Variants in NBEAL1 observed in about 807,000 individuals in gnomAD.
NBEAL1 encodes the protein neurobeachin like 1, also known as neurobeachin-like protein 1.
In NBEAL1, 273 loss-of-function variants were observed where a neutral mutation model predicts 351.3. That is an observed-to-expected ratio of 0.78 (90% confidence interval 0.70 to 0.86). The LOEUF is 0.86. NBEAL1 is among the 40% of genes least tolerant of loss of function. The pLI, the probability that NBEAL1 is intolerant of heterozygous loss-of-function variation, is 0.00. For missense variants in NBEAL1, 2,961 were observed against 3,201.3 expected (o/e 0.92, Z 1.81); for synonymous variants, 1,050 against 1,086.4 (o/e 0.97, Z 0.66).
chr2:203,110,760 C>CTT (rs2062551822), intron 15 of NBEAL1, among the ~76,000 whole-genome samples: 5 of 61,732 alleles, frequency 8.1e-5, no homozygotes, highest in Admixed American at 2.7e-4. Flanking sequence ...AGTAAATTTT[C>CTT]TTTTTTCTTT....
Position 203,125,369 on chromosome 2 carries a change from A to T in NBEAL1, c.2700A>T (p.Ile900=). 1 of 1,532,346 alleles carries T rather than the reference A, an allele frequency of 6.5e-7. No individual in the cohort carries two copies. Among genetic ancestry groups the T allele is most frequent in the South Asian group, 1.3e-5 (1 of 79,468 alleles). 94.9% of individuals were successfully genotyped at this position (1,532,346 alleles called of 1,614,324 possible). A position where few individuals can be genotyped will look rare whatever the true frequency, so the allele number is the denominator to read the frequency against. ...CCCTTTAGGATATCATAAACTGCATAGGTGGGTTAAATGTACTCTTTCCTT... is the reference window on the plus strand; with the variant it reads ...CCCTTTAGGATATCATAAACTGCATTGGTGGGTTAAATGTACTCTTTCCTT... ...NWDIKDIINC[I]GGLNVLFPLL... is the part of the protein sequence containing the mutation. The change falls in exon 20 of 56, where the codon ATA becomes ATT. Residue 900 remains isoleucine (I), a synonymous_variant. Coordinates refer to ENST00000683969, the MANE Select transcript of NBEAL1 (RefSeq NM_001378026.1).
chr2:203,196,857 A>C (rs184929163), intron 47 of NBEAL1, among the ~76,000 whole-genome samples: 2 of 152,314 alleles, frequency 1.3e-5, no homozygotes, highest in Admixed American at 6.5e-5. Context: ...TTCAGGAAGT[A>C]CCCTAGTTAA....
At chr2:203,056,950 G>C (rs999386599) in intron 5 of NBEAL1, among the ~76,000 whole-genome samples, 9 of 152,026 alleles carry the variant, frequency 5.9e-5, no homozygotes, top group Non-Finnish European at 1.0e-4. Context: ...ACTTATTGTT[G>C]GGTAATGCAT....
intron 11 of NBEAL1, among the ~76,000 whole-genome samples, chr2:203,099,215 G>A (rs2062252066): frequency 6.6e-6 from 1 of 151,342 alleles, no homozygotes; most frequent in Non-Finnish European, 1.5e-5. Flanking sequence ...GGCGGAGGTT[G>A]CAGTGAGCCG....
At chr2:203,116,672 C>G (rs930271482) in intron 18 of NBEAL1, among the ~76,000 whole-genome samples, 1 of 151,058 alleles carries the variant, frequency 6.6e-6, no homozygotes, top group African/African-American at 2.4e-5. Flanking sequence ...CGCCTGTAGT[C>G]CCAGCTACTT....
In NBEAL1 at chr2:203,213,523, A is replaced by G. The variant is rs769474141; in HGVS notation, c.7940A>G (p.Asn2647Ser). 1.2e-6 allele frequency: 2 copies of G among 1,609,208 alleles called. No individual in the cohort carries two copies. Among genetic ancestry groups the G allele is most frequent in the Admixed American group, 1.7e-5 (1 of 58,912 alleles). Residue 2647 changes from asparagine (N) to serine (S), a missense_variant, in exon 55 of 56, where the codon AAT (asparagine) becomes AGT (serine). Physicochemically the swap from Asn to Ser is conservative, Grantham distance 46. Transcript: ENST00000683969. ...FLSIRDLHSL[N>S]LSINPLAMRL... is the part of the protein sequence containing the mutation. ...ATTTTTTATTTCTTTTCTAGCTTGAATCTCAGCATCAACCCATTAGCCATG... is the reference window on the plus strand; with the variant it reads ...ATTTTTTATTTCTTTTCTAGCTTGAGTCTCAGCATCAACCCATTAGCCATG...
At chr2:203,146,395 A>G (rs763513986) in intron 33 of NBEAL1, among the ~76,000 whole-genome samples, 3 of 152,200 alleles carry the variant, frequency 2.0e-5, no homozygotes, top group Admixed American at 6.5e-5. Flanking sequence ...GATGAGGGTA[A>G]TATTACCCTC....
At chr2:203,136,844 T>C (rs2063224440) in intron 29 of NBEAL1, 70 bp downstream of exon 29, 1 of 1,334,222 alleles carries the variant, frequency 7.5e-7, no homozygotes. Flanking sequence ...ACGTTAGTTA[T>C]TGAACATTTA....
At chr2:203,061,803 G>A (rs189275668) in intron 6 of NBEAL1, 1 of 165,006 alleles carries the variant, frequency 6.1e-6, no homozygotes, top group East Asian at 1.9e-4. Flanking sequence ...TTACCACAAT[G>A]TTTACATTTA....
At chr2:203,183,152 T>C (rs1367224042) in intron 43 of NBEAL1, 127 bp from the exon 44 acceptor site, 1 of 526,678 alleles carries the variant, frequency 1.9e-6, no homozygotes, top group East Asian at 3.1e-5. Flanking sequence ...TGGTATGTAC[T>C]CCAATAGATA....
intron 2 of NBEAL1, among the ~76,000 whole-genome samples, chr2:203,028,370 A>T (rs751739545): frequency 1.3e-5 from 2 of 152,042 alleles, no homozygotes; most frequent in Non-Finnish European, 2.9e-5. Context: ...TTTTACTTTT[A>T]TGCTGAGCTT....
At chr2:203,136,926 C>A in intron 29 of NBEAL1, 152 bp downstream of exon 29, 1 of 664,516 alleles carries the variant, frequency 1.5e-6, no homozygotes, top group Non-Finnish European at 2.4e-6. Context: ...CTATCTTTTG[C>A]CGTATTAGTA....
chr2:203,134,247 C>G (rs1264574142), intron 27 of NBEAL1, among the ~76,000 whole-genome samples: 1 of 152,088 alleles, frequency 6.6e-6, no homozygotes, highest in East Asian at 1.9e-4. Flanking sequence ...TTAGAAACAG[C>G]TCTCAGTGCA....
intron 41 of NBEAL1, among the ~76,000 whole-genome samples, chr2:203,174,266 C>A (rs2064423122): frequency 8.4e-6 from 1 of 118,968 alleles, no homozygotes; most frequent in African/African-American, 3.2e-5. Context: ...ATCTAAGTGT[C>A]TAAAAAGTAA....
At chr2:203,147,038 A>G (rs2063529983) in intron 33 of NBEAL1, among the ~76,000 whole-genome samples, 2 of 152,326 alleles carry the variant, frequency 1.3e-5, no homozygotes, top group East Asian at 1.9e-4. Flanking sequence ...AAACCTTTAC[A>G]AAAATCCTAC....
chr2:203,144,570 C>T, intron 31 of NBEAL1, 30 bp from the exon 32 acceptor site: 2 of 1,572,740 alleles, frequency 1.3e-6, no homozygotes, highest in South Asian at 1.2e-5. Context: ...CTTTAGTCTG[C>T]TCTTTCTCAT....
intron 3 of NBEAL1, among the ~76,000 whole-genome samples, chr2:203,045,941 T>G (rs2061218021): frequency 6.6e-6 from 1 of 152,242 alleles, no homozygotes. Context: ...TACATTTTTA[T>G]AGATCTTTCT....
At chr2:203,121,536 C>T (rs1001407074) in intron 18 of NBEAL1, among the ~76,000 whole-genome samples, 1 of 151,304 alleles carries the variant, frequency 6.6e-6, no homozygotes, top group African/African-American at 2.4e-5. Context: ...ACTGTAATCT[C>T]AGCTACTTGG....
At chr2:203,139,949 C>A (rs2063325490) in intron 31 of NBEAL1, among the ~76,000 whole-genome samples, 1 of 151,932 alleles carries the variant, frequency 6.6e-6, no homozygotes, top group South Asian at 2.1e-4. Flanking sequence ...AGAAGTAATT[C>A]TATTTTTAAT....
Sources: allele counts gnomAD v4.1 joint callset (sites outside exome capture counted in the v4.1 genomes callset), GRCh38; gene constraint gnomAD v4.1.1; transcripts MANE v1.5; gene names NCBI Gene and HGNC (gene_info 2026-07-23, HGNC 2026-07-21).